Variants in SAMMSON observed in about 807,000 individuals in gnomAD.
The protein encoded by SAMMSON is long intergenic non-protein coding RNA 1212.
At chr3:70,299,359 T>C (rs931450702) in intron 7 of SAMMSON, among the ~76,000 whole-genome samples, 3 of 151,792 alleles carry the variant, frequency 2.0e-5, no homozygotes, top group Non-Finnish European at 2.9e-5. Context: ...GCATATAAGA[T>C]GTACAGTGGC....
At chr3:70,018,413 G>A (rs1485211011) in intron 3 of SAMMSON, among the ~76,000 whole-genome samples, 1 of 152,078 alleles carries the variant, frequency 6.6e-6, no homozygotes, top group African/African-American at 2.4e-5. Flanking sequence ...ATTTCTGTGG[G>A]ATCGGTGGTG....
At chr3:70,286,233 G>A (rs1702161200) in intron 6 of SAMMSON, among the ~76,000 whole-genome samples, 1 of 152,144 alleles carries the variant, frequency 6.6e-6, no homozygotes, top group Admixed American at 6.5e-5. Flanking sequence ...ATTAATTTTT[G>A]TATAAGGTGT....
intron 4 of SAMMSON, among the ~76,000 whole-genome samples, chr3:70,106,666 A>T (rs1048941319): frequency 1.3e-5 from 2 of 152,064 alleles, no homozygotes; most frequent in Non-Finnish European, 2.9e-5. Context: ...ACAAGCTCCC[A>T]GGTGGACCCA....
chr3:70,026,011 ACC>A (rs756240212), intron 3 of SAMMSON, among the ~76,000 whole-genome samples: 7 of 152,124 alleles, frequency 4.6e-5, no homozygotes, highest in Non-Finnish European at 1.0e-4. Flanking sequence ...TGCATTTCAA[ACC>A]CATGTTGTTC....
chr3:70,111,559 A>C (rs2067389109), intron 4 of SAMMSON, among the ~76,000 whole-genome samples: 1 of 152,174 alleles, frequency 6.6e-6, no homozygotes, highest in African/African-American at 2.4e-5. Context: ...CCACAATATA[A>C]AAATTACAAA....
chr3:70,132,500 C>G (rs904940821), intron 4 of SAMMSON, among the ~76,000 whole-genome samples: 11 of 152,048 alleles, frequency 7.2e-5, no homozygotes, highest in African/African-American at 2.4e-4. Flanking sequence ...AGTTGGCAAC[C>G]CCTATCAACA....
intron 4 of SAMMSON, among the ~76,000 whole-genome samples, chr3:70,208,434 T>C (rs1231407113): frequency 1.3e-5 from 2 of 152,132 alleles, no homozygotes; most frequent in African/African-American, 4.8e-5. Flanking sequence ...TAGTGGGTTC[T>C]GCTTTCTAAG....
intron 2 of SAMMSON, among the ~76,000 whole-genome samples, chr3:70,403,839 T>C (rs1159252363): frequency 6.6e-6 from 1 of 152,222 alleles, no homozygotes; most frequent in East Asian, 1.9e-4. Flanking sequence ...CAGATAAGTA[T>C]GTATATGTGT....
chr3:70,236,174 G>T (rs1701606927), intron 4 of SAMMSON, among the ~76,000 whole-genome samples: 1 of 152,076 alleles, frequency 6.6e-6, no homozygotes, highest in South Asian at 2.1e-4. Flanking sequence ...TCGCATAGAT[G>T]ACTGCTAAAT....
intron 4 of SAMMSON, among the ~76,000 whole-genome samples, chr3:70,232,405 T>C (rs1350909557): frequency 1.3e-5 from 1 of 75,414 alleles, no homozygotes; most frequent in Non-Finnish European, 3.3e-5. Flanking sequence ...GATGTTCCTA[T>C]TTTTTTTTTT....
chr3:70,277,559 G>T (rs1345933915), intron 6 of SAMMSON, among the ~76,000 whole-genome samples: 7 of 152,178 alleles, frequency 4.6e-5, no homozygotes, highest in Admixed American at 3.3e-4. Context: ...TATTACTGCT[G>T]TCATAAGTGG....
At chr3:70,247,219 C>T (rs1210841780) in intron 4 of SAMMSON, among the ~76,000 whole-genome samples, 1 of 151,858 alleles carries the variant, frequency 6.6e-6, no homozygotes, top group Non-Finnish European at 1.5e-5. Flanking sequence ...GGTAGTTTTA[C>T]CTCCATGGTT....
intron 6 of SAMMSON, among the ~76,000 whole-genome samples, chr3:70,250,578 T>C (rs1338705956): frequency 6.6e-6 from 1 of 152,048 alleles, no homozygotes. Context: ...GGTGGAAAAA[T>C]AGTCTCTGAG....
intron 4 of SAMMSON, chr3:70,140,368 GCT>G (rs1338606769): frequency 9.5e-6 from 2 of 211,162 alleles, no homozygotes; most frequent in African/African-American, 4.6e-5. Context: ...AGTGGCTAGA[GCT>G]CTGTGATGAG....
intron 4 of SAMMSON, among the ~76,000 whole-genome samples, chr3:70,141,226 A>T (rs1353848260): frequency 1.3e-5 from 2 of 152,166 alleles, no homozygotes; most frequent in South Asian, 4.1e-4. Context: ...TATTATGAAA[A>T]TTGGCTCACA....
intron 7 of SAMMSON, among the ~76,000 whole-genome samples, chr3:70,315,676 C>T (rs1413568235): frequency 1.3e-5 from 2 of 152,050 alleles, no homozygotes; most frequent in South Asian, 2.1e-4. Flanking sequence ...CTGGTTTGGA[C>T]TAAGATTTAG....
At chr3:70,045,142 T>TATATATTAATTATAATATATTATAATTA (rs2067121405) in intron 3 of SAMMSON, among the ~76,000 whole-genome samples, 1 of 130,838 alleles carries the variant, frequency 7.6e-6, no homozygotes, top group African/African-American at 2.8e-5. Flanking sequence ...TATTATAATT[T>TATATATTAATTATAATATATTATAATTA]ATATATATTA....
At chr3:70,139,424 G>T (rs1235587885) in intron 4 of SAMMSON, among the ~76,000 whole-genome samples, 1 of 152,172 alleles carries the variant, frequency 6.6e-6, no homozygotes, top group African/African-American at 2.4e-5. Context: ...TGTGGTTGCA[G>T]CCCCATACCC....
intron 4 of SAMMSON, among the ~76,000 whole-genome samples, chr3:70,208,936 A>G (rs1250101402): frequency 6.6e-6 from 1 of 152,100 alleles, no homozygotes; most frequent in Non-Finnish European, 1.5e-5. Flanking sequence ...GGGATTCAAG[A>G]AAACATCTGT....
Sources: allele counts gnomAD v4.1 joint callset (sites outside exome capture counted in the v4.1 genomes callset), GRCh38; gene constraint gnomAD v4.1.1; transcripts MANE v1.5; gene names NCBI Gene and HGNC (gene_info 2026-07-23, HGNC 2026-07-21).